FBN2: variants seen among roughly 807,000 people sequenced by gnomAD.
FBN2 encodes the protein fibrillin-2.
A neutral mutation model predicts 355.6 loss-of-function variants in FBN2; 105 were observed. The observed-to-expected ratio is 0.30, with a 90% CI of 0.25 to 0.35. FBN2 has a LOEUF of 0.35. Among genes scored for constraint, FBN2 ranks in the 10% least tolerant of loss-of-function variants. The pLI is 1.00. For synonymous variants in FBN2, 1,350 were observed against 1,301.2 expected (o/e 1.04, Z -0.81); for missense variants, 3,280 against 3,758.7 (o/e 0.87, Z 3.33).
chr5:128,517,959 T>C (rs958493442), intron 5 of FBN2, among the ~76,000 whole-genome samples: 3 of 152,170 alleles, frequency 2.0e-5, no homozygotes, highest in Admixed American at 6.5e-5. Context: ...AGTTTGTTTT[T>C]ACTGTTATGG....
chr5:128,460,561 G>T (rs760592907), intron 6 of FBN2, among the ~76,000 whole-genome samples: 3 of 152,004 alleles, frequency 2.0e-5, no homozygotes, highest in Non-Finnish European at 2.9e-5. Context: ...ACAATCCTAA[G>T]CAAAAAGAAC....
intron 7 of FBN2, among the ~76,000 whole-genome samples, chr5:128,428,135 G>C (rs184552612): frequency 1.3e-5 from 2 of 152,004 alleles, no homozygotes; most frequent in Non-Finnish European, 2.9e-5. Context: ...AAAAACCCCT[G>C]GTCCAAGCTA....
At chr5:128,369,400 G>C (rs553156590) in intron 15 of FBN2, 66 bp from the exon 16 acceptor site, 26 of 1,558,592 alleles carry the variant, frequency 1.7e-5, no homozygotes, top group Non-Finnish European at 1.9e-5. Context: ...GAAACAGAAG[G>C]CTTCTTTTAA....
chr5:128,424,553 T>C (rs1006326659), intron 7 of FBN2, among the ~76,000 whole-genome samples: 12 of 149,758 alleles, frequency 8.0e-5, no homozygotes, highest in African/African-American at 2.7e-4. Context: ...GATTTTACTA[T>C]AGTACAATAT....
chr5:128,392,208 T>G, intron 10 of FBN2, 53 bp from the exon 11 acceptor site: 1 of 1,515,662 alleles, frequency 6.6e-7, no homozygotes. Flanking sequence ...TGCATTACTT[T>G]TCTGAATTGA....
intron 5 of FBN2, among the ~76,000 whole-genome samples, chr5:128,473,201 G>A (rs1242460730): frequency 6.6e-6 from 1 of 152,072 alleles, no homozygotes; most frequent in Non-Finnish European, 1.5e-5. Flanking sequence ...CTAAATAGGT[G>A]GCACCAATTT....
rs781466324 is a variant in FBN2, at chr5:128,272,053, T to G, written c.7906A>C (p.Arg2636=). The change falls in exon 62 of 65, where the codon AGA becomes CGA. Residue 2636 remains arginine (R), a synonymous_variant. Coordinates refer to ENST00000262464, the MANE Select transcript of FBN2 (RefSeq NM_001999.4). ...ATGTAGCCTTGGGGGCAGCCACATC[T>G]GTAGCCACCCAGGATGTTCTGGCAG... ...HGCQNILGGY[R]CGCPQGYIQH... is the part of the protein sequence containing the mutation. 15 of 1,613,972 alleles carry G rather than the reference T, an allele frequency of 9.3e-6. No homozygotes were observed. Among genetic ancestry groups the G allele is most frequent in the Non-Finnish European group, 1.2e-5 (14 of 1,179,966 alleles).
At chr5:128,375,774 G>C (rs1752062916) in intron 14 of FBN2, among the ~76,000 whole-genome samples, 1 of 152,174 alleles carries the variant, frequency 6.6e-6, no homozygotes, top group East Asian at 1.9e-4. Context: ...GATGGCTCAT[G>C]CCTGTAATCC....
intron 48 of FBN2, among the ~76,000 whole-genome samples, chr5:128,296,880 C>T (rs2126828532): frequency 6.6e-6 from 1 of 151,938 alleles, no homozygotes; most frequent in African/African-American, 2.4e-5. Context: ...CTTCTGCTAG[C>T]TTTTGAATGT....
rs377440490 is a variant in FBN2 at position 128,377,804 on chromosome 5, C to T, written c.1797G>A (p.Gln599=). The T allele has an allele frequency of 1.9e-6, 3 of 1,613,508 alleles. No homozygotes were observed. Among genetic ancestry groups the T allele is most frequent in the Non-Finnish European group, 2.5e-6 (3 of 1,179,590 alleles). ...GRCVNTDGSF[Q]CICNAGFELT... ...ATTCAAAGCCGGCATTGCAAATGCA[C>T]TGGAAACTTCCATCTGTGTTCACGC... is the stretch of plus-strand genomic sequence containing the variant. Residue 599 remains glutamine (Q), a synonymous_variant, in exon 13 of 65, where the codon CAG becomes CAA. Coordinates refer to ENST00000262464, the MANE Select transcript of FBN2 (RefSeq NM_001999.4).
intron 7 of FBN2, among the ~76,000 whole-genome samples, chr5:128,424,160 G>C (rs1753425753): frequency 6.6e-6 from 1 of 152,104 alleles, no homozygotes; most frequent in Non-Finnish European, 1.5e-5. Flanking sequence ...TCCAGACAAA[G>C]GTAGGGAACT....
intron 16 of FBN2, among the ~76,000 whole-genome samples, chr5:128,368,752 C>G (rs949845706): frequency 6.6e-6 from 1 of 151,958 alleles, no homozygotes; most frequent in African/African-American, 2.4e-5. Flanking sequence ...TCACTGCAGC[C>G]TCGAACCCTT....
chr5:128,274,705 T>G (rs1324396809), intron 59 of FBN2, 22 bp from the exon 60 acceptor site: 1 of 1,393,442 alleles, frequency 7.2e-7, no homozygotes, highest in African/African-American at 1.4e-5. Flanking sequence ...GAGAAGCCAG[T>G]GAAAATCACA....
chr5:128,350,472 A>AC (rs1751320895), intron 21 of FBN2, among the ~76,000 whole-genome samples: 1 of 151,984 alleles, frequency 6.6e-6, no homozygotes, highest in African/African-American at 2.4e-5. Context: ...AATCGCTTGA[A>AC]CCCGGGAGGT....
intron 6 of FBN2, among the ~76,000 whole-genome samples, chr5:128,450,118 AAAG>A (rs1205965324): frequency 6.6e-6 from 1 of 152,096 alleles, no homozygotes; most frequent in East Asian, 1.9e-4. Flanking sequence ...CTCTTAACTA[AAAG>A]AATAAGTAGA....
intron 25 of FBN2, among the ~76,000 whole-genome samples, chr5:128,340,887 G>A (rs943405442): frequency 2.0e-5 from 3 of 151,908 alleles, no homozygotes; most frequent in South Asian, 2.1e-4. Flanking sequence ...GGAGGGTGTG[G>A]CTTTTGAATT....
At chr5:128,398,348 AATT>A (rs1232591296) in intron 8 of FBN2, among the ~76,000 whole-genome samples, 2 of 150,968 alleles carry the variant, frequency 1.3e-5, no homozygotes, top group Non-Finnish European at 2.9e-5. Context: ...CAATTCTGAC[AATT>A]ATTATTTTAA....
chr5:128,519,368 G>A lies in FBN2; in HGVS notation c.533C>T (p.Pro178Leu), dbSNP rs754989424. The change falls in exon 5 of 65, where the codon CCT becomes CTT. Residue 178 changes from proline (P) to leucine (L), a missense_variant and splice_region_variant. By Grantham distance (98) the Pro-to-Leu change is moderately conservative. Coordinates refer to ENST00000262464, the MANE Select transcript of FBN2 (RefSeq NM_001999.4). ...ATTCTGACATCCATTTTCACAGACA[G>A]CTGCATACAAAAATAGCAAGAAGCT... ...KGYIGTYCGQPVCENGCQNGG... is the reference protein window; with the variant it reads ...KGYIGTYCGQLVCENGCQNGG... 5.0e-5 allele frequency: 80 copies of A among 1,613,030 alleles called. No individual in the cohort carries two copies. The South Asian group carries it at 8.7e-4, about 17-fold the overall frequency.
rs1764981344 is a variant in FBN2 at position 128,261,776 on chromosome 5, C to T, written c.8324G>A (p.Ser2775Asn). Reference protein sequence around the residue: ...CKINGYSKKDSRQKRSIHEPD... With the variant: ...CKINGYSKKDNRQKRSIHEPD... ...TTCATGAATACTTCTCTTCTGCCTGCTGTCTTTCTTAGAATAGCCGTTGAT... is the reference window on the plus strand; with the variant it reads ...TTCATGAATACTTCTCTTCTGCCTGTTGTCTTTCTTAGAATAGCCGTTGAT... Residue 2775 changes from serine to asparagine, a missense_variant, in exon 64 of 65, where the codon AGC becomes AAC. This residue lies in a region of FBN2 where 311 missense variants were observed against 319.1 expected (regional missense o/e 0.97). Transcript: ENST00000262464. 3 of 1,614,230 alleles carry T rather than the reference C, an allele frequency of 1.9e-6. No homozygotes were observed. Among genetic ancestry groups the T allele is most frequent in the Non-Finnish European group, 2.5e-6 (3 of 1,180,016 alleles).
Sources: gnomAD v4.1 joint callset for allele counts (sites outside exome capture counted in the v4.1 genomes callset) on GRCh38, gnomAD v4.1.1 for gene constraint, gnomAD v4.1.1 regional missense constraint, MANE v1.5 for transcripts, NCBI Gene and HGNC (gene_info 2026-07-23, HGNC 2026-07-21) for gene names.